The following CNOT4 variants were observed in gnomAD, a reference collection of about 807,000 sequenced individuals.
CNOT4 encodes the protein CCR4-associated factor 4.
Under a neutral mutation model 73.8 loss-of-function variants are expected in CNOT4, and 8 were observed. The ratio of observed to expected loss-of-function variants is 0.11; its 90% CI spans 0.06 to 0.20. The LOEUF is 0.20. CNOT4 is among the 10% of genes least tolerant of loss of function. The pLI is 1.00. For missense variants in CNOT4, 564 were observed against 883.4 expected (o/e 0.64, Z 4.58); for synonymous variants, 293 against 321.1 (o/e 0.91, Z 0.94).
At chr7:135,395,220 C>T (rs547495596) in intron 9 of CNOT4, among the ~76,000 whole-genome samples, 1 of 151,872 alleles carries the variant, frequency 6.6e-6, no homozygotes, top group East Asian at 1.9e-4. Context: ...CCTGTCTCTA[C>T]AAAAAATTTA....
intron 1 of CNOT4, among the ~76,000 whole-genome samples, chr7:135,450,620 C>T (rs913344718): frequency 6.6e-6 from 1 of 152,168 alleles, no homozygotes; most frequent in Admixed American, 6.5e-5. Context: ...TCCTAAAGTG[C>T]TGTGATTACA....
chr7:135,443,244 A>G (rs142613808), intron 1 of CNOT4, among the ~76,000 whole-genome samples: 1,747 of 151,552 alleles, frequency 0.012, 38 homozygotes, highest in African/African-American at 0.04. Flanking sequence ...AGTCCCAGCT[A>G]CTTGGGAGGC....
Position 135,395,770 on chromosome 7 carries a change from T to C in CNOT4, c.993A>G (p.Thr331=). 1 of 1,614,184 alleles carries C rather than the reference T, an allele frequency of 6.2e-7. No individual in the cohort carries two copies. The highest frequency in any genetic ancestry group is 8.5e-7 in the Non-Finnish European group (1 of 1,180,018). Reference sequence around the variant, plus strand: ...TGTCTGAGAATAACGACTGTGACTCTGTTACTGCCCCTTCAAAAGGGGACC... The same window carrying C: ...TGTCTGAGAATAACGACTGTGACTCCGTTACTGCCCCTTCAAAAGGGGACC... The part of the protein sequence containing the change: ...SARSPFEGAV[T]ESQSLFSDNF... Residue 331 remains threonine (T), a synonymous_variant, in exon 9 of 12, where the codon ACA becomes ACG. Transcript: ENST00000541284.
At chr7:135,387,718 T>C in intron 10 of CNOT4, 1 of 984,176 alleles carries the variant, frequency 1.0e-6, no homozygotes, top group Non-Finnish European at 1.2e-6. Flanking sequence ...CAGTTTCTTT[T>C]CCTTTATTAT....
In CNOT4 at chr7:135,441,427, C is replaced by T. The variant is rs939874434; in HGVS notation, c.-92-3004G>A. On this transcript the variant is annotated intron_variant, in intron 1 of 11. Coordinates refer to ENST00000541284, the MANE Select transcript of CNOT4 (RefSeq NM_001190850.2). ...AAATTAAAAAAAAAAAAAAGAAATG[C>T]CCAGATTTGCCACTATCAGTTTTCA... Among the ~76,000 whole-genome samples, 48 of 151,286 alleles carry T rather than the reference C, an allele frequency of 3.2e-4. 1 individual carries two copies. The highest frequency in any genetic ancestry group is 1.2e-3 in the African/African-American group (48 of 41,284).
chr7:135,503,486 G>A (rs996155758), intron 1 of CNOT4, among the ~76,000 whole-genome samples: 2 of 151,814 alleles, frequency 1.3e-5, no homozygotes, highest in African/African-American at 4.8e-5. Context: ...GTTCTAGTAC[G>A]AATGAAACAA....
chr7:135,486,152 A>G (rs1383565767), intron 1 of CNOT4, among the ~76,000 whole-genome samples: 1 of 152,204 alleles, frequency 6.6e-6, no homozygotes, highest in African/African-American at 2.4e-5. Context: ...AAATAAAAAT[A>G]AAATGAAAGA....
At position 135,438,141 on chromosome 7, in the gene CNOT4, T is replaced by A; in HGVS notation, c.174+17A>T. 7.1e-7 allele frequency: 1 copy of A among 1,406,514 alleles called. No individual in the cohort carries two copies. The allele number at this position is 1,406,514 out of a possible 1,614,324, so 87.1% of individuals were successfully genotyped here. On this transcript the variant is annotated intron_variant, in intron 2 of 11. Coordinates refer to ENST00000541284, the MANE Select transcript of CNOT4 (RefSeq NM_001190850.2). ...CAATTAAAACAAATCACTGTGAAGTTATTTTGAAGTATTTACCTTTCTACA... is the reference window on the plus strand; with the variant it reads ...CAATTAAAACAAATCACTGTGAAGTAATTTTGAAGTATTTACCTTTCTACA...
rs532359766 is a variant in CNOT4, at chr7:135,488,296, G to A, written c.-93+21593C>T. 1.4e-3 allele frequency among the ~76,000 whole-genome samples: 209 copies of A among 152,238 alleles called. 3 individuals carry two copies. The highest frequency in any genetic ancestry group is 4.1e-3 in the African/African-American group (170 of 41,534). On this transcript the variant is annotated intron_variant, in intron 1 of 11. Transcript: ENST00000541284. ...CTTGCCTCAGCCTCCTGAGTGGTAC[G>A]ACTGGTACTGAATGGTACGATTCTC...
intron 7 of CNOT4, among the ~76,000 whole-genome samples, chr7:135,407,526 T>C (rs1198160613): frequency 6.6e-6 from 1 of 152,228 alleles, no homozygotes; most frequent in African/African-American, 2.4e-5. Context: ...TAAAAACACC[T>C]GCTAGTGCTA....
At chr7:135,372,864 A>AT (rs1409144196) in intron 10 of CNOT4, among the ~76,000 whole-genome samples, 1 of 152,092 alleles carries the variant, frequency 6.6e-6, no homozygotes, top group African/African-American at 2.4e-5. Flanking sequence ...CTGCTTCCAG[A>AT]TTTTTTAAGA....
rs138757334 is a variant in CNOT4 at position 135,509,555 on chromosome 7, C to G, written c.-93+334G>C. 320 of 152,700 alleles carry G rather than the reference C, an allele frequency of 2.1e-3. 4 individuals carry two copies. The highest frequency in any genetic ancestry group is 0.013 in the East Asian group (68 of 5,174). The allele number at this position is 152,700 out of a possible 1,614,324, so 9.5% of individuals were successfully genotyped here. A position where few individuals can be genotyped will look rare whatever the true frequency, so the allele number is the denominator to read the frequency against. The stretch of plus-strand genomic sequence containing the variant: ...TTGGGGAAACAAGGAGGGCTGAGAC[C>G]TAAGAATCCTGCCCCGGTGAAAATG... On this transcript the variant is annotated intron_variant, in intron 1 of 11. Coordinates refer to ENST00000541284, the MANE Select transcript of CNOT4 (RefSeq NM_001190850.2).
At chr7:135,400,155 C>T (rs1336813134) in intron 7 of CNOT4, among the ~76,000 whole-genome samples, 1 of 151,920 alleles carries the variant, frequency 6.6e-6, no homozygotes, top group East Asian at 1.9e-4. Context: ...AGGAATACCT[C>T]CTGTGTCAAG....
intron 8 of CNOT4, among the ~76,000 whole-genome samples, chr7:135,396,358 C>T (rs1352565561): frequency 1.3e-5 from 2 of 152,038 alleles, no homozygotes; most frequent in African/African-American, 2.4e-5. Flanking sequence ...ACCTCGTGAT[C>T]CACCCGCCTC....
At chr7:135,421,905 C>A (rs889652886) in intron 3 of CNOT4, among the ~76,000 whole-genome samples, 1 of 152,132 alleles carries the variant, frequency 6.6e-6, no homozygotes, top group Admixed American at 6.5e-5. Context: ...ATTGTCAGCA[C>A]GTTAGAAATC....
chr7:135,485,013 T>C (rs1468068812), intron 1 of CNOT4, among the ~76,000 whole-genome samples: 1 of 152,156 alleles, frequency 6.6e-6, no homozygotes, highest in African/African-American at 2.4e-5. Context: ...AAGATATCAA[T>C]ACTCCCCAAA....
chr7:135,416,459 CTT>C lies in CNOT4; in HGVS notation c.373-1199_373-1198del, dbSNP rs1345756829. On this transcript the variant is annotated intron_variant, in intron 3 of 11. Coordinates refer to ENST00000541284, the MANE Select transcript of CNOT4 (RefSeq NM_001190850.2). Reference sequence around the variant, plus strand: ...AGGTAATTACACTGAGTTTCAATCTCTTTTCCACCCAAAACCCCTGAGGGATA... The same window carrying C: ...AGGTAATTACACTGAGTTTCAATCTCTTCCACCCAAAACCCCTGAGGGATA... Among the ~76,000 whole-genome samples the C allele has an allele frequency of 2.6e-5, 4 of 152,104 alleles. No individual in the cohort carries two copies. In the East Asian group the frequency reaches 7.7e-4, roughly 29 times the overall value.
At chr7:135,466,475 C>CA (rs199824747) in intron 1 of CNOT4, among the ~76,000 whole-genome samples, 6,379 of 83,256 alleles carry the variant, frequency 0.077, 495 homozygotes, top group African/African-American at 0.23. Context: ...AAGACTGTCT[C>CA]AAAAAAAAAA....
At chr7:135,488,072 G>GAAAAAA (rs1563079077) in intron 1 of CNOT4, among the ~76,000 whole-genome samples, 41 of 151,596 alleles carry the variant, frequency 2.7e-4, no homozygotes, top group African/African-American at 9.4e-4. Flanking sequence ...CCGTCTCAAA[G>GAAAAAA]AAGAAAAAAA....
Sources: gnomAD v4.1 joint callset for allele counts (sites outside exome capture counted in the v4.1 genomes callset) on GRCh38, gnomAD v4.1.1 for gene constraint, MANE v1.5 for transcripts, NCBI Gene and HGNC (gene_info 2026-07-23, HGNC 2026-07-21) for gene names.